Variants in FUT9 observed in about 807,000 individuals in gnomAD.
The protein encoded by FUT9 is fucosyltransferase 9.
In FUT9, 15 loss-of-function variants were observed where a neutral mutation model predicts 29.7. The ratio of observed to expected loss-of-function variants is 0.51; its 90% CI spans 0.34 to 0.78. The LOEUF (loss-of-function observed/expected upper bound fraction) is 0.78. Among genes scored for constraint, FUT9 ranks in the 30% least tolerant of loss-of-function variants. The pLI, the probability that FUT9 is intolerant of heterozygous loss-of-function variation, is 0.01. For synonymous variants in FUT9, 169 were observed against 153.7 expected (o/e 1.10, Z -0.74); for missense variants, 319 against 425.4 (o/e 0.75, Z 2.20).
At chr6:96,069,775 C>T (rs1037255324) in intron 1 of FUT9, among the ~76,000 whole-genome samples, 1 of 151,840 alleles carries the variant, frequency 6.6e-6, no homozygotes, top group African/African-American at 2.4e-5. Flanking sequence ...GAACTACAGG[C>T]GCGCGCCACC....
chr6:96,073,444 G>A (rs189407610), intron 1 of FUT9, among the ~76,000 whole-genome samples: 64 of 137,150 alleles, frequency 4.7e-4, no homozygotes, highest in African/African-American at 1.7e-3. Context: ...GTGAGACTCC[G>A]TCTCAAAAAA....
At chr6:96,173,402 T>C (rs924453743) in intron 2 of FUT9, among the ~76,000 whole-genome samples, 7 of 152,182 alleles carry the variant, frequency 4.6e-5, no homozygotes, top group African/African-American at 1.7e-4. Context: ...TTACCTGCTG[T>C]TCAACAGCAA....
At chr6:96,086,784 A>G (rs115794471) in intron 1 of FUT9, among the ~76,000 whole-genome samples, 441 of 152,148 alleles carry the variant, frequency 2.9e-3, no homozygotes, top group African/African-American at 9.1e-3. Flanking sequence ...GCACCTTTGC[A>G]TTTTCTCAGT....
chr6:96,176,621 G>A (rs1396261370), intron 2 of FUT9, among the ~76,000 whole-genome samples: 1 of 152,118 alleles, frequency 6.6e-6, no homozygotes, highest in Non-Finnish European at 1.5e-5. Flanking sequence ...CATTCGCCCA[G>A]ATATTCTCTC....
In FUT9 at chr6:96,108,220, T is replaced by G. The variant is rs192197890; in HGVS notation, c.-97-5819T>G. 3.9e-5 allele frequency among the ~76,000 whole-genome samples: 6 copies of G among 152,304 alleles called. No individual in the cohort carries two copies. The East Asian group carries it at 1.2e-3, about 29-fold the overall frequency. On this transcript the variant is annotated intron_variant, in intron 1 of 2. Coordinates refer to ENST00000302103, the MANE Select transcript of FUT9 (RefSeq NM_006581.4). ...TTTTTGGACTGTGAGGGGAAAATTT[T>G]CTTTTCCATGTACATTTATGAAAAA... is the stretch of plus-strand genomic sequence containing the variant.
chr6:96,073,938 C>T (rs1235953173), intron 1 of FUT9, among the ~76,000 whole-genome samples: 1 of 152,050 alleles, frequency 6.6e-6, no homozygotes, highest in Non-Finnish European at 1.5e-5. Flanking sequence ...AACTAAAATT[C>T]CATTTAGATT....
At chr6:96,144,003 T>A (rs895809305) in intron 2 of FUT9, among the ~76,000 whole-genome samples, 1 of 152,176 alleles carries the variant, frequency 6.6e-6, no homozygotes, top group South Asian at 2.1e-4. Context: ...CCAGATAAAA[T>A]AGTGAACTGT....
Position 96,212,221 on chromosome 6 carries a change from C to A in FUT9, c.*7986C>A. ...AGTCTCAGATTGGCCTCATTAGCCACCTTCAGTTCCTTAAATGAGATAATC... is the reference window on the plus strand; with the variant it reads ...AGTCTCAGATTGGCCTCATTAGCCAACTTCAGTTCCTTAAATGAGATAATC... On this transcript the variant is annotated 3_prime_UTR_variant, in exon 3 of 3. Coordinates refer to ENST00000302103, the MANE Select transcript of FUT9 (RefSeq NM_006581.4). 2.4e-6 allele frequency: 1 copy of A among 412,642 alleles called. No individual in the cohort carries two copies. The highest frequency in any genetic ancestry group is 1.3e-4 in the South Asian group (1 of 7,856). The allele number at this position is 412,642 out of a possible 1,614,324, so 25.6% of individuals were successfully genotyped here.
chr6:96,173,614 A>T (rs1188014648), intron 2 of FUT9, among the ~76,000 whole-genome samples: 3 of 152,142 alleles, frequency 2.0e-5, no homozygotes, highest in African/African-American at 7.2e-5. Context: ...CAACAAAAAA[A>T]AGAAAAAACT....
In FUT9 at chr6:96,132,333, G is replaced by A. The variant is rs1772261493; in HGVS notation, c.-9+18206G>A. ...TGTGTCTGCTGTTCCATTTCTAAAA[G>A]GCTTTATAAGCTGCTCCTGAAAATG... On this transcript the variant is annotated intron_variant, in intron 2 of 2. Transcript: ENST00000302103. Among the ~76,000 whole-genome samples the A allele has an allele frequency of 4.8e-5, 5 of 105,144 alleles. No homozygotes were observed. The South Asian group carries it at 1.5e-3, about 31-fold the overall frequency. The allele number at this position is 105,144 out of a possible 152,430, so 69.0% of individuals were successfully genotyped here. A position where few individuals can be genotyped will look rare whatever the true frequency, so the allele number is the denominator to read the frequency against.
intron 2 of FUT9, among the ~76,000 whole-genome samples, chr6:96,137,914 TAA>T: frequency 6.6e-6 from 1 of 152,206 alleles, no homozygotes; most frequent in Admixed American, 6.5e-5. Flanking sequence ...AGAGTTTATT[TAA>T]AAGTTACATA....
chr6:96,053,134 T>A (rs1428704620), intron 1 of FUT9, among the ~76,000 whole-genome samples: 1 of 152,112 alleles, frequency 6.6e-6, no homozygotes, highest in African/African-American at 2.4e-5. Flanking sequence ...GTCAAAATAA[T>A]TCGTATTTTC....
chr6:96,115,370 T>A (rs536125611), intron 2 of FUT9, among the ~76,000 whole-genome samples: 2 of 152,306 alleles, frequency 1.3e-5, no homozygotes, highest in South Asian at 4.1e-4. Context: ...GTCCTTGAAA[T>A]CCAGTGTGTA....
chr6:96,176,615 C>T (rs939048365), intron 2 of FUT9, among the ~76,000 whole-genome samples: 3 of 152,104 alleles, frequency 2.0e-5, no homozygotes, highest in Admixed American at 6.6e-5. Flanking sequence ...CTTTTTCATT[C>T]GCCCAGATAT....
chr6:96,201,243 G>A (rs1022299900), intron 2 of FUT9, among the ~76,000 whole-genome samples: 1 of 151,560 alleles, frequency 6.6e-6, no homozygotes, highest in Non-Finnish European at 1.5e-5. Flanking sequence ...TGGTATTTCT[G>A]TATTTGTACA....
At chr6:96,202,845 C>T (rs1379166266) in intron 2 of FUT9, among the ~76,000 whole-genome samples, 1 of 151,942 alleles carries the variant, frequency 6.6e-6, no homozygotes, top group Non-Finnish European at 1.5e-5. Flanking sequence ...CTAGGTTGTG[C>T]CACTTTTCTA....
Position 96,088,525 on chromosome 6 carries a change from TTG to T in FUT9, c.-97-25512_-97-25511del, listed in dbSNP as rs764313612. ...CATAGCTGTATGATTCTCTGTTTGT[TTG>T]TTTTGTGTGTGTGTGTGTGTGTGTG... On this transcript the variant is annotated intron_variant, in intron 1 of 2. Coordinates refer to ENST00000302103, the MANE Select transcript of FUT9 (RefSeq NM_006581.4). 7.7e-3 allele frequency among the ~76,000 whole-genome samples: 1,007 copies of T among 131,426 alleles called. 12 individuals are homozygous for T. Among genetic ancestry groups the T allele is most frequent in the African/African-American group, 0.027 (968 of 36,170 alleles). The allele number at this position is 131,426 out of a possible 152,430, so 86.2% of individuals were successfully genotyped here. A position where few individuals can be genotyped will look rare whatever the true frequency, so the allele number is the denominator to read the frequency against.
chr6:96,030,255 A>G (rs1325068), intron 1 of FUT9, among the ~76,000 whole-genome samples: 10,517 of 151,718 alleles, frequency 0.069, 1,219 homozygotes, highest in African/African-American at 0.24. Flanking sequence ...AATTCTCACA[A>G]TTCAATGATC....
At chr6:96,041,418 T>G (rs527290120) in intron 1 of FUT9, among the ~76,000 whole-genome samples, 80 of 152,292 alleles carry the variant, frequency 5.3e-4, no homozygotes, top group African/African-American at 1.9e-3. Context: ...AAATGTAATC[T>G]TTTACTGTTC....
Sources: gnomAD v4.1 joint callset for allele counts (sites outside exome capture counted in the v4.1 genomes callset) on GRCh38, gnomAD v4.1.1 for gene constraint, MANE v1.5 for transcripts, NCBI Gene and HGNC (gene_info 2026-07-23, HGNC 2026-07-21) for gene names.